Variants in PRPF6 observed in about 807,000 individuals in gnomAD.
The protein encoded by PRPF6 is pre-mRNA processing factor 6, also known as pre-mRNA-processing factor 6.
PRPF6 carries 42 observed loss-of-function variants against 118.3 expected under a neutral mutation model. That is an observed-to-expected ratio of 0.35 (90% confidence interval 0.28 to 0.46). The LOEUF is 0.46. Among genes scored for constraint, PRPF6 ranks in the 20% least tolerant of loss-of-function variants. PRPF6 has a pLI of 1.00. For missense variants in PRPF6, 662 were observed against 1,255.7 expected, an observed-to-expected ratio of 0.53 and a Z score of 7.15; for synonymous variants, 481 against 485.1, an observed-to-expected ratio of 0.99 and a Z score of 0.11.
chr20:63,994,041 C>T (rs1011231248), intron 4 of PRPF6, among the ~76,000 whole-genome samples: 3 of 151,662 alleles, frequency 2.0e-5, no homozygotes, highest in Non-Finnish European at 4.4e-5. Flanking sequence ...TGAGCCACCA[C>T]GTCTGGCCCC....
Position 63,994,960 on chromosome 20 carries a change from C to T in PRPF6, c.483C>T (p.Pro161=), listed in dbSNP as rs763075003. 1.9e-5 allele frequency: 30 copies of T among 1,614,138 alleles called. No individual in the cohort carries two copies. The highest frequency in any genetic ancestry group is 2.2e-5 in the East Asian group (1 of 44,882). ...EVTEEEWLSI[P]EVGDARNKRQ... ...CAGAAGAAGAGTGGCTGAGCATCCC[C>T]GAGGTTGGCGATGCCAGAAATAAAC... Residue 161 remains proline, a synonymous_variant, in exon 5 of 21, where the codon CCC becomes CCT. Coordinates refer to ENST00000266079, the MANE Select transcript of PRPF6 (RefSeq NM_012469.4).
At chr20:64,021,543 C>CGTGTCTGTGTGTGT (rs946114813) in intron 12 of PRPF6, among the ~76,000 whole-genome samples, 16 of 140,516 alleles carry the variant, frequency 1.1e-4, no homozygotes, top group Admixed American at 1.1e-3. Context: ...GCCACAGCCC[C>CGTGTCTGTGTGTGT]GTGTCTGTGT....
intron 2 of PRPF6, among the ~76,000 whole-genome samples, chr20:63,983,781 G>C (rs914228948): frequency 1.3e-5 from 2 of 151,346 alleles, no homozygotes; most frequent in African/African-American, 4.9e-5. Flanking sequence ...CAGTCTCCAA[G>C]TAACTGGGAT....
chr20:64,032,760 C>T (rs2059320958), intron 20 of PRPF6, 81 bp from the exon 21 acceptor site: 3 of 1,527,622 alleles, frequency 2.0e-6, no homozygotes, highest in Non-Finnish European at 1.8e-6. Flanking sequence ...GCCAGGTCTG[C>T]AGGGGCCAGG....
At position 63,999,726 on chromosome 20, in the gene PRPF6, C is replaced by T. The variant is rs2059158077; in HGVS notation, c.990C>T (p.Asn330=). Residue 330 remains asparagine (N), a synonymous_variant, in exon 8 of 21, where the codon AAC becomes AAT. Transcript: ENST00000266079. The stretch of plus-strand genomic sequence containing the variant: ...CTGGGAAGCTACAAGTAGCTCGGAA[C>T]CTTATCATGAAGGGGACGGAGATGT... ...EVTGKLQVAR[N]LIMKGTEMCP... 3.1e-6 allele frequency: 5 copies of T among 1,614,188 alleles called. No individual in the cohort carries two copies. Among genetic ancestry groups the T allele is most frequent in the Middle Eastern group, 1.7e-4 (1 of 6,050 alleles).
intron 3 of PRPF6, among the ~76,000 whole-genome samples, chr20:63,992,371 C>T (rs1013689508): frequency 5.3e-5 from 8 of 152,122 alleles, no homozygotes; most frequent in Non-Finnish European, 4.4e-5. Context: ...AAGCAATTCT[C>T]CTACCTCAGC....
rs960336602 is a variant in PRPF6, at chr20:64,026,803, AAAAAAC to A, written c.2029-174_2029-169del. On this transcript the variant is annotated intron_variant, in intron 15 of 20. Coordinates refer to ENST00000266079, the MANE Select transcript of PRPF6 (RefSeq NM_012469.4). This position sits in a 1 kb window ranked among gnomAD's most constrained non-coding sequence, Gnocchi z 4.4. Reference sequence around the variant, plus strand: ...TGACAGAGCGAGACTCTATCTCAAAAAAAAACAAAACAAAACAAAAACATATATTTA... The same window carrying A: ...TGACAGAGCGAGACTCTATCTCAAAAAAAACAAAACAAAAACATATATTTA... 2.6e-5 allele frequency among the ~76,000 whole-genome samples: 4 copies of A among 152,218 alleles called. No individual in the cohort carries two copies. Among genetic ancestry groups the A allele is most frequent in the South Asian group, 2.1e-4 (1 of 4,824 alleles).
intron 1 of PRPF6, among the ~76,000 whole-genome samples, 184 bp from the exon 2 acceptor site, chr20:63,982,863 C>T (rs2059077462): frequency 6.6e-6 from 1 of 152,118 alleles, no homozygotes. Flanking sequence ...TCAGGGTAGG[C>T]TGAAACTTTC....
intron 9 of PRPF6, among the ~76,000 whole-genome samples, chr20:64,009,936 G>A (rs545302998): frequency 2.0e-5 from 3 of 152,262 alleles, no homozygotes; most frequent in Admixed American, 6.5e-5. Context: ...GTTCATTCCC[G>A]TGGTCACTGG....
intron 13 of PRPF6, among the ~76,000 whole-genome samples, chr20:64,023,987 T>C (rs957078012): frequency 6.6e-6 from 1 of 152,182 alleles, no homozygotes; most frequent in African/African-American, 2.4e-5. Flanking sequence ...GTGTGGTCAC[T>C]TTGTCTTGCT....
intron 9 of PRPF6, among the ~76,000 whole-genome samples, chr20:64,005,632 C>T (rs1316292367): frequency 6.6e-6 from 1 of 152,096 alleles, no homozygotes. Flanking sequence ...GGCTGGAGAG[C>T]AGTGTTGCAA....
At position 63,993,389 on chromosome 20, in the gene PRPF6, G is replaced by T. The variant is rs754704645; in HGVS notation, c.360-18G>T. ...CAGACATGCAGTGTTTCTGATGTGT[G>T]CATGTTTTATTTCCTAGGGAGCAAA... On this transcript the variant is annotated intron_variant, in intron 3 of 20. Coordinates refer to ENST00000266079, the MANE Select transcript of PRPF6 (RefSeq NM_012469.4). 4 of 1,590,772 alleles carry T rather than the reference G, an allele frequency of 2.5e-6. No homozygotes were observed. Among genetic ancestry groups the T allele is most frequent in the Admixed American group, 1.7e-5 (1 of 59,820 alleles).
intron 13 of PRPF6, among the ~76,000 whole-genome samples, chr20:64,023,226 C>A (rs1025407058): frequency 5.3e-5 from 8 of 152,240 alleles, no homozygotes; most frequent in Admixed American, 4.6e-4. Flanking sequence ...GTGGGTGGGG[C>A]AGCATCTGGG....
At chr20:64,000,959 C>T in intron 8 of PRPF6, 118 bp from the exon 9 acceptor site, 1 of 1,063,186 alleles carries the variant, frequency 9.4e-7, no homozygotes, top group South Asian at 1.3e-5. Context: ...AGAGGCTGAG[C>T]TAATTGGCTT....
intron 6 of PRPF6, among the ~76,000 whole-genome samples, chr20:63,995,713 A>G (rs1016197760): frequency 6.6e-6 from 1 of 151,242 alleles, no homozygotes; most frequent in African/African-American, 2.4e-5. Context: ...CTGGAGTGCA[A>G]TGGTGTGATC....
At chr20:64,015,550 T>C (rs1341213297) in intron 11 of PRPF6, among the ~76,000 whole-genome samples, 5 of 152,268 alleles carry the variant, frequency 3.3e-5, no homozygotes, top group Admixed American at 3.3e-4. Context: ...TCCTGCACCC[T>C]GTTGCTCTGG....
At chr20:64,006,109 A>T (rs1342493120) in intron 9 of PRPF6, among the ~76,000 whole-genome samples, 1 of 152,076 alleles carries the variant, frequency 6.6e-6, no homozygotes. Context: ...AGTTCCCATT[A>T]ACTTTTACTG....
intron 9 of PRPF6, among the ~76,000 whole-genome samples, chr20:64,009,711 G>T (rs1367778393): frequency 1.3e-5 from 2 of 152,188 alleles, no homozygotes; most frequent in African/African-American, 4.8e-5. Context: ...AATAGAATGA[G>T]ACTCTGTCTC....
Position 64,025,152 on chromosome 20 carries a change from CT to C in PRPF6, c.1908+460del, listed in dbSNP as rs2059283069. Among the ~76,000 whole-genome samples, 7 of 152,292 alleles carry C rather than the reference CT, an allele frequency of 4.6e-5. No homozygotes were observed. In the South Asian group the frequency reaches 1.5e-3, roughly 32 times the overall value. On this transcript the variant is annotated intron_variant, in intron 14 of 20. Coordinates refer to ENST00000266079, the MANE Select transcript of PRPF6 (RefSeq NM_012469.4). ...TAGAATGCTATATAAAAGTCTGTTACTGTAGCTCAGGCTAATATCATAGAGT... is the reference window on the plus strand; with the variant it reads ...TAGAATGCTATATAAAAGTCTGTTACGTAGCTCAGGCTAATATCATAGAGT...
Sources: gnomAD v4.1 joint callset for allele counts (sites outside exome capture counted in the v4.1 genomes callset) on GRCh38, gnomAD v4.1.1 for gene constraint, Gnocchi (gnomAD v3.1) non-coding constraint, MANE v1.5 for transcripts, NCBI Gene and HGNC (gene_info 2026-07-23, HGNC 2026-07-21) for gene names.